Variants in NEK6 observed in about 807,000 individuals in gnomAD.
NEK6 encodes the protein serine/threonine-protein kinase Nek6.
A neutral mutation model predicts 43.5 loss-of-function variants in NEK6; 27 were observed. The observed-to-expected ratio is 0.62, with a 90% CI of 0.46 to 0.86. The LOEUF is 0.86. Among genes scored for constraint, NEK6 ranks in the 40% least tolerant of loss-of-function variants. NEK6 has a pLI of 0.00. For missense variants in NEK6, 318 were observed against 414.4 expected (o/e 0.77, Z 2.02); for synonymous variants, 167 against 164.1 (o/e 1.02, Z -0.14).
intron 1 of NEK6, among the ~76,000 whole-genome samples, chr9:124,295,753 C>G (rs568360922): frequency 6.6e-6 from 1 of 152,222 alleles, no homozygotes; most frequent in Non-Finnish European, 1.5e-5. Flanking sequence ...TCTGGTGCTC[C>G]CTGCCAGCCA....
At chr9:124,348,000 G>A (rs576172557) in intron 9 of NEK6, among the ~76,000 whole-genome samples, 178 bp downstream of exon 9, 1 of 152,226 alleles carries the variant, frequency 6.6e-6, no homozygotes, top group Non-Finnish European at 1.5e-5. Context: ...CACTGAAGAA[G>A]GGGTTTCACC....
At chr9:124,294,721 C>T (rs541818388) in intron 1 of NEK6, among the ~76,000 whole-genome samples, 3 of 152,176 alleles carry the variant, frequency 2.0e-5, no homozygotes, top group South Asian at 4.2e-4. Flanking sequence ...AGGGCAGGCT[C>T]GTGTCAGGTG....
rs1830232368 is a variant in NEK6, at chr9:124,350,840, C to T, written c.835C>T (p.Arg279Ter). The change falls in exon 10 of 10, where the codon CGA becomes TGA. Residue 279 changes from arginine to a stop codon, truncating the protein, a stop_gained. Coordinates refer to ENST00000320246, the MANE Select transcript of NEK6 (RefSeq NM_014397.6). LOFTEE classifies it high-confidence loss of function. ...CACACCATTCTCTCCCCTGCAGTTA[C>T]GAGAACTGGTCAGCATGTGCATCTG... ...LPGEHYSEKL[R>*]ELVSMCICPD... The T allele has an allele frequency of 1.2e-6, 2 of 1,610,670 alleles. No homozygotes were observed. The highest frequency in any genetic ancestry group is 1.7e-6 in the Non-Finnish European group (2 of 1,178,024).
At chr9:124,279,574 A>G (rs576179975) in intron 1 of NEK6, among the ~76,000 whole-genome samples, 1 of 152,278 alleles carries the variant, frequency 6.6e-6, no homozygotes, top group African/African-American at 2.4e-5. Flanking sequence ...AAGTGCTGGG[A>G]TTACATGCGT....
Position 124,302,050 on chromosome 9 carries a change from C to G in NEK6, c.86C>G (p.Pro29Arg). 6.3e-7 allele frequency: 1 copy of G among 1,599,590 alleles called. No homozygotes were observed. The highest frequency in any genetic ancestry group is 2.3e-5 in the East Asian group (1 of 44,350). The change falls in exon 2 of 10, where the codon CCA becomes CGA. Residue 29 changes from proline to arginine, a missense_variant. Coordinates refer to ENST00000320246, the MANE Select transcript of NEK6 (RefSeq NM_014397.6). ...HTLGPVHPPD[P>R]QRHPNTLSFR... is the part of the protein sequence containing the mutation. ...CTGGGGCCTGTGCATCCTCCTGACC[C>G]ACAGGTAAGCCCCTTACCTTTGTCT...
chr9:124,275,636 A>G lies in NEK6; in HGVS notation c.-30+17551A>G, dbSNP rs1240222905. Among the ~76,000 whole-genome samples, 4 of 151,968 alleles carry G rather than the reference A, an allele frequency of 2.6e-5. No individual in the cohort carries two copies. The highest frequency in any genetic ancestry group is 5.9e-5 in the Non-Finnish European group (4 of 67,958). On this transcript the variant is annotated intron_variant, in intron 1 of 9. Transcript: ENST00000320246. This position sits in a 1 kb window ranked among gnomAD's most constrained non-coding sequence, Gnocchi z 4.4. ...TAGCCCCTTCTGCATCTTCCCCAAC[A>G]TGGCCCCCCACCCTGTGAGGCCCAC...
At chr9:124,262,571 T>C (rs1831073621) in intron 1 of NEK6, among the ~76,000 whole-genome samples, 1 of 152,248 alleles carries the variant, frequency 6.6e-6, no homozygotes, top group Non-Finnish European at 1.5e-5. Flanking sequence ...AGCCAGGCCT[T>C]CTTGGCCTCC....
chr9:124,264,325 C>T (rs899442154), intron 1 of NEK6, among the ~76,000 whole-genome samples: 1 of 152,222 alleles, frequency 6.6e-6, no homozygotes, highest in Non-Finnish European at 1.5e-5. Flanking sequence ...GTCCACTCCT[C>T]TGTAGTCACC....
At position 124,298,248 on chromosome 9, in the gene NEK6, A is replaced by G. The variant is rs561352209; in HGVS notation, c.-29-3688A>G. On this transcript the variant is annotated intron_variant, in intron 1 of 9. Coordinates refer to ENST00000320246, the MANE Select transcript of NEK6 (RefSeq NM_014397.6). The stretch of plus-strand genomic sequence containing the variant: ...CGCGCCTCCCCACCTCCTTCCCCTC[A>G]GCAGGGACCCTCTCTGGCTCTCGGT... 2.7e-5 allele frequency among the ~76,000 whole-genome samples: 4 copies of G among 149,510 alleles called. No homozygotes were observed. The South Asian group carries it at 6.4e-4, about 24-fold the overall frequency.
chr9:124,262,568 C>A (rs192594594), intron 1 of NEK6, among the ~76,000 whole-genome samples: 15 of 152,226 alleles, frequency 9.9e-5, no homozygotes, highest in African/African-American at 3.4e-4. Context: ...TCTAGCCAGG[C>A]CTTCTTGGCC....
intron 1 of NEK6, among the ~76,000 whole-genome samples, chr9:124,278,048 G>A (rs544194853): frequency 1.3e-5 from 2 of 152,340 alleles, no homozygotes; most frequent in East Asian, 1.9e-4. Flanking sequence ...CGTATGTGAC[G>A]TTGGTCCCAT....
At chr9:124,292,622 A>T (rs1832478421) in intron 1 of NEK6, 2 of 1,490,404 alleles carry the variant, frequency 1.3e-6, no homozygotes, top group South Asian at 2.4e-5. Context: ...TCAGCAGGGT[A>T]GTAGCTGCGG....
intron 1 of NEK6, among the ~76,000 whole-genome samples, chr9:124,293,787 C>T (rs558744529): frequency 1.2e-4 from 19 of 152,228 alleles, no homozygotes; most frequent in Non-Finnish European, 2.6e-4. Context: ...TGGAGGTTTA[C>T]AGATGACCGC....
chr9:124,259,869 G>A (rs915268162), intron 1 of NEK6, among the ~76,000 whole-genome samples: 2 of 152,230 alleles, frequency 1.3e-5, no homozygotes, highest in African/African-American at 4.8e-5. Flanking sequence ...ACCCAGGTTG[G>A]TCTGGATTTA....
chr9:124,277,397 GCT>G (rs1831690577), intron 1 of NEK6, among the ~76,000 whole-genome samples: 1 of 152,228 alleles, frequency 6.6e-6, no homozygotes, highest in Non-Finnish European at 1.5e-5. Flanking sequence ...AGTGAGCCGA[GCT>G]TGTGCCATTG....
chr9:124,346,872 G>A (rs1328820133), intron 8 of NEK6, among the ~76,000 whole-genome samples: 8 of 152,348 alleles, frequency 5.3e-5, no homozygotes, highest in South Asian at 2.1e-4. Flanking sequence ...AACCGGTGCC[G>A]CAGGCCTCAC....
intron 1 of NEK6, among the ~76,000 whole-genome samples, chr9:124,290,138 C>T (rs1832347673): frequency 6.6e-6 from 1 of 152,238 alleles, no homozygotes; most frequent in Admixed American, 6.5e-5. Context: ...ACGCCGCCAC[C>T]TGGATGCACT....
intron 1 of NEK6, among the ~76,000 whole-genome samples, chr9:124,287,611 G>A (rs1306865316): frequency 2.6e-5 from 4 of 152,186 alleles, no homozygotes; most frequent in Non-Finnish European, 5.9e-5. Context: ...GATCACCTGA[G>A]GTCAGGAGTT....
At chr9:124,349,293 CT>C (rs1830125108) in intron 9 of NEK6, among the ~76,000 whole-genome samples, 1 of 152,238 alleles carries the variant, frequency 6.6e-6, no homozygotes. Flanking sequence ...TTTTTCCTTT[CT>C]CATCTTCTGA....
Sources: gnomAD v4.1 joint callset for allele counts (sites outside exome capture counted in the v4.1 genomes callset) on GRCh38, gnomAD v4.1.1 for gene constraint, Gnocchi (gnomAD v3.1) non-coding constraint, MANE v1.5 for transcripts, NCBI Gene and HGNC (gene_info 2026-07-23, HGNC 2026-07-21) for gene names.